ZNRF3: variants seen among roughly 807,000 people sequenced by gnomAD.
ZNRF3 encodes zinc and ring finger 3.
Under a neutral mutation model 72.5 loss-of-function variants are expected in ZNRF3, and 23 were observed. The ratio of observed to expected loss-of-function variants is 0.32; its 90% CI spans 0.23 to 0.45. The LOEUF (loss-of-function observed/expected upper bound fraction) is 0.45, where lower values mean the gene tolerates loss of function less well. Ranked by LOEUF, ZNRF3 falls within the 20% of genes least tolerant of loss-of-function variation. The pLI, the probability that ZNRF3 is intolerant of heterozygous loss-of-function variation, is 1.00. For missense variants in ZNRF3, 1,169 were observed against 1,272.1 expected (o/e 0.92, Z 1.23); for synonymous variants, 610 against 545.3 (o/e 1.12, Z -1.65).
At chr22:28,939,294 A>AAT (rs1569253535) in intron 1 of ZNRF3, among the ~76,000 whole-genome samples, 1 of 151,682 alleles carries the variant, frequency 6.6e-6, no homozygotes, top group Non-Finnish European at 1.5e-5. Flanking sequence ...AAAAAAAAAA[A>AAT]AAAAACAAAA....
chr22:28,930,200 A>G (rs2034680095), intron 1 of ZNRF3, among the ~76,000 whole-genome samples: 1 of 152,078 alleles, frequency 6.6e-6, no homozygotes, highest in Non-Finnish European at 1.5e-5. Context: ...TTTCTATCCA[A>G]AGTATATTCA....
chr22:28,983,429 G>C (rs1327314513), intron 1 of ZNRF3, among the ~76,000 whole-genome samples: 1 of 152,216 alleles, frequency 6.6e-6, no homozygotes, highest in East Asian at 1.9e-4. Context: ...TCCTCCAAGA[G>C]AGTAAGCCTC....
intron 1 of ZNRF3, among the ~76,000 whole-genome samples, chr22:28,973,156 G>A (rs147904286): frequency 1.3e-5 from 2 of 152,064 alleles, no homozygotes; most frequent in African/African-American, 4.8e-5. Context: ...TTTTTTAAAC[G>A]TTTTGTAGAG....
intron 2 of ZNRF3, among the ~76,000 whole-genome samples, chr22:28,997,020 C>T (rs1489686594): frequency 6.6e-6 from 1 of 152,124 alleles, no homozygotes; most frequent in Non-Finnish European, 1.5e-5. Context: ...CCAAGTTCAG[C>T]TTAGCACTCC....
In ZNRF3 at chr22:29,030,226, A is replaced by G. The variant is rs764627684; in HGVS notation, c.427-12269A>G. Among the ~76,000 whole-genome samples, 10 of 152,152 alleles carry G rather than the reference A, an allele frequency of 6.6e-5. No homozygotes were observed. The highest frequency in any genetic ancestry group is 1.3e-4 in the Non-Finnish European group (9 of 68,030). On this transcript the variant is annotated intron_variant, in intron 2 of 8. Transcript: ENST00000544604. The surrounding 1 kb of genome is among the most constrained non-coding windows in gnomAD (Gnocchi z 4.2). ...TTTCTTGGAACTGGCCTAAACGTCT[A>G]TGTTTAAGATTAAGATCTAGGGAAA...
At chr22:29,038,339 T>C (rs2036900551) in intron 2 of ZNRF3, among the ~76,000 whole-genome samples, 1 of 122,268 alleles carries the variant, frequency 8.2e-6, no homozygotes, top group Admixed American at 8.1e-5. Flanking sequence ...GTTCTGTTGC[T>C]TTTTTTTTTT....
At chr22:28,993,162 G>A (rs188506398) in intron 2 of ZNRF3, among the ~76,000 whole-genome samples, 29 of 152,318 alleles carry the variant, frequency 1.9e-4, no homozygotes, top group African/African-American at 7.0e-4. Context: ...CTTGGCAGTG[G>A]CATCTATTCT....
intron 2 of ZNRF3, among the ~76,000 whole-genome samples, chr22:29,000,787 T>G (rs1205033842): frequency 5.3e-5 from 8 of 152,104 alleles, no homozygotes; most frequent in Non-Finnish European, 8.8e-5. Context: ...GGAGCTGGTG[T>G]ATCACACGGC....
rs1415112304 is a variant in ZNRF3, at chr22:28,939,099, AC to A, written c.301-47976del. On this transcript the variant is annotated intron_variant, in intron 1 of 8. Coordinates refer to ENST00000544604, the MANE Select transcript of ZNRF3 (RefSeq NM_001206998.2). Reference sequence around the variant, plus strand: ...CAGGAGTTTGAGACCAGCCTGGCCAACATGGCAAAACTCCGTCTTTACTAAT... The same window carrying A: ...CAGGAGTTTGAGACCAGCCTGGCCAAATGGCAAAACTCCGTCTTTACTAAT... Among the ~76,000 whole-genome samples, 18 of 152,326 alleles carry A rather than the reference AC, an allele frequency of 1.2e-4. No homozygotes were observed. The East Asian group carries it at 3.1e-3, about 26-fold the overall frequency.
At chr22:28,924,993 G>C (rs570253478) in intron 1 of ZNRF3, among the ~76,000 whole-genome samples, 45 of 152,310 alleles carry the variant, frequency 3.0e-4, no homozygotes, top group African/African-American at 1.0e-3. Context: ...ACATGTGGCT[G>C]ATTTTTCTGG....
intron 2 of ZNRF3, among the ~76,000 whole-genome samples, chr22:28,991,309 AAAG>A (rs1569273144): frequency 8.9e-5 from 12 of 134,930 alleles, no homozygotes; most frequent in East Asian, 2.1e-4. Flanking sequence ...AAAAAAAAAA[AAAG>A]AAGAACAGTA....
Position 29,050,425 on chromosome 22 carries a change from G to C in ZNRF3, c.2244G>C (p.Gly748=). 1 of 1,608,390 alleles carries C rather than the reference G, an allele frequency of 6.2e-7. No individual in the cohort carries two copies. Among genetic ancestry groups the C allele is most frequent in the Middle Eastern group, 1.7e-4 (1 of 6,044 alleles). ...HLYEGSGPAG[G]EPQSGSSQGL... ...ACGAGGGCTCTGGCCCGGCGGGTGG[G>C]GAGCCCCAGTCAGGAAGCTCCCAGG... The change falls in exon 8 of 9, where the codon GGG becomes GGC. Residue 748 remains glycine, a synonymous_variant. Transcript: ENST00000544604.
rs575577484 is a variant in ZNRF3 at position 28,989,532 on chromosome 22, G to A, written c.426+2331G>A. 1.4e-4 allele frequency among the ~76,000 whole-genome samples: 21 copies of A among 152,298 alleles called. No homozygotes were observed. In the South Asian group the frequency reaches 4.1e-3, roughly 30 times the overall value. ...CAAAGTTATCCCCTTGGGCAGCTTA[G>A]TCCCTGCAGAATTCATGATTTTCCA... On this transcript the variant is annotated intron_variant, in intron 2 of 8. Coordinates refer to ENST00000544604, the MANE Select transcript of ZNRF3 (RefSeq NM_001206998.2).
chr22:28,939,587 T>C (rs551255612), intron 1 of ZNRF3, among the ~76,000 whole-genome samples: 1 of 152,180 alleles, frequency 6.6e-6, no homozygotes, highest in East Asian at 1.9e-4. Context: ...AGTCTTTGCA[T>C]CCTCAGAGCA....
rs1252741919 is a variant in ZNRF3, at chr22:28,923,871, G to T, written c.300+39805G>T. 2.0e-5 allele frequency among the ~76,000 whole-genome samples: 3 copies of T among 152,272 alleles called. No individual in the cohort carries two copies. In the East Asian group the frequency reaches 5.8e-4, roughly 29 times the overall value. On this transcript the variant is annotated intron_variant, in intron 1 of 8. Transcript: ENST00000544604. ...TCATGCACTGGCAGCCACGTCTAGA[G>T]GCTGGGTCTGGGGTGGAGCCCAAGT...
intron 1 of ZNRF3, among the ~76,000 whole-genome samples, chr22:28,927,577 A>T (rs2034626946): frequency 6.6e-6 from 1 of 152,166 alleles, no homozygotes; most frequent in South Asian, 2.1e-4. Context: ...ACAAATTAAT[A>T]TGTGATTCTG....
At chr22:28,904,026 C>T (rs946515671) in intron 1 of ZNRF3, among the ~76,000 whole-genome samples, 1 of 152,104 alleles carries the variant, frequency 6.6e-6, no homozygotes, top group Non-Finnish European at 1.5e-5. Flanking sequence ...AGGGCATACT[C>T]ACAGGGTGGA....
At chr22:29,015,884 C>T in intron 2 of ZNRF3, among the ~76,000 whole-genome samples, 1 of 149,980 alleles carries the variant, frequency 6.7e-6, no homozygotes, top group East Asian at 2.0e-4. Context: ...GGCGTGGTGG[C>T]ACATGCCTGT....
chr22:28,936,706 A>AT (rs1416099756), intron 1 of ZNRF3, among the ~76,000 whole-genome samples: 2 of 152,122 alleles, frequency 1.3e-5, no homozygotes, highest in African/African-American at 4.8e-5. Context: ...AGAAGTAGTG[A>AT]TTCTTTTTTT....
Sources: gnomAD v4.1 joint callset for allele counts (sites outside exome capture counted in the v4.1 genomes callset) on GRCh38, gnomAD v4.1.1 for gene constraint, Gnocchi (gnomAD v3.1) non-coding constraint, MANE v1.5 for transcripts, NCBI Gene and HGNC (gene_info 2026-07-23, HGNC 2026-07-21) for gene names.